Variants in AFG1L observed in about 807,000 individuals in gnomAD.
AFG1L encodes AFG1 like ATPase.
In AFG1L, 53 loss-of-function variants were observed where a neutral mutation model predicts 62.2. The ratio of observed to expected loss-of-function variants is 0.85; its 90% CI spans 0.68 to 1.07. AFG1L has a LOEUF of 1.07. Among genes scored for constraint, AFG1L ranks in the 50% least tolerant of loss-of-function variants. AFG1L has a pLI of 0.00. For synonymous variants in AFG1L, 228 were observed against 210.3 expected (o/e 1.08, Z -0.73); for missense variants, 555 against 590.5 (o/e 0.94, Z 0.62).
At chr6:108,373,874 G>A (rs1181984199) in intron 6 of AFG1L, among the ~76,000 whole-genome samples, 1 of 152,088 alleles carries the variant, frequency 6.6e-6, no homozygotes, top group African/African-American at 2.4e-5. Context: ...CACTGCGCCT[G>A]GCCGGTAGTT....
At chr6:108,508,756 A>G (rs1388157065) in intron 10 of AFG1L, among the ~76,000 whole-genome samples, 1 of 152,226 alleles carries the variant, frequency 6.6e-6, no homozygotes, top group Non-Finnish European at 1.5e-5. Context: ...GCTTAAGTGA[A>G]TGGACAAAGG....
At chr6:108,461,307 C>T (rs573709468) in intron 8 of AFG1L, among the ~76,000 whole-genome samples, 11 of 152,200 alleles carry the variant, frequency 7.2e-5, no homozygotes, top group Admixed American at 2.0e-4. Context: ...AGTAGATGCA[C>T]GGTAGTATCT....
rs115967865 is a variant in AFG1L at position 108,385,645 on chromosome 6, T to C, written c.749-16351T>C. On this transcript the variant is annotated intron_variant, in intron 6 of 12. Coordinates refer to ENST00000368977, the MANE Select transcript of AFG1L (RefSeq NM_145315.5). ...CACGCTATATTTCTGTACGTGTGTCTTTAATTTCTCTAGCGCCGCTGGGTT... is the reference window on the plus strand; with the variant it reads ...CACGCTATATTTCTGTACGTGTGTCCTTAATTTCTCTAGCGCCGCTGGGTT... Among the ~76,000 whole-genome samples the C allele has an allele frequency of 5.7e-3, 869 of 152,320 alleles. 4 individuals carry two copies. The highest frequency in any genetic ancestry group is 0.02 in the African/African-American group (837 of 41,578).
At chr6:108,499,492 C>CT (rs1774102287) in intron 10 of AFG1L, among the ~76,000 whole-genome samples, 1 of 146,728 alleles carries the variant, frequency 6.8e-6, no homozygotes, top group Non-Finnish European at 1.5e-5. Flanking sequence ...AATCCCAGTT[C>CT]TTTGGGAGGC....
At chr6:108,487,627 T>C (rs1191757880) in intron 10 of AFG1L, among the ~76,000 whole-genome samples, 1 of 152,224 alleles carries the variant, frequency 6.6e-6, no homozygotes, top group Non-Finnish European at 1.5e-5. Context: ...AATATGAGTG[T>C]ATCAGGAGTT....
At chr6:108,344,927 A>C in intron 2 of AFG1L, 1 of 391,736 alleles carries the variant, frequency 2.6e-6, no homozygotes, top group Non-Finnish European at 5.2e-6. Flanking sequence ...TCTGGACCTG[A>C]CTGCTTTCCT....
At chr6:108,408,017 G>A (rs1196663605) in intron 7 of AFG1L, among the ~76,000 whole-genome samples, 2 of 152,072 alleles carry the variant, frequency 1.3e-5, no homozygotes, top group African/African-American at 4.8e-5. Flanking sequence ...ATGATTGGAT[G>A]CTGCATTTAG....
intron 10 of AFG1L, among the ~76,000 whole-genome samples, chr6:108,505,841 A>T (rs1025546877): frequency 2.0e-5 from 3 of 152,248 alleles, no homozygotes; most frequent in African/African-American, 7.2e-5. Flanking sequence ...AAAGGAGAGT[A>T]TGACGTTTAA....
chr6:108,298,955 T>C (rs1468998010), intron 1 of AFG1L, among the ~76,000 whole-genome samples: 1 of 152,086 alleles, frequency 6.6e-6, no homozygotes, highest in Non-Finnish European at 1.5e-5. Flanking sequence ...TCAGAGACAC[T>C]TCTTTGATAG....
At chr6:108,521,349 A>C (rs1379223620) in intron 12 of AFG1L, 2 of 152,180 alleles carry the variant, frequency 1.3e-5, no homozygotes, top group African/African-American at 4.8e-5. Context: ...AATAAAAAAA[A>C]TTAGCTGGGT....
intron 11 of AFG1L, among the ~76,000 whole-genome samples, chr6:108,518,060 G>A (rs1344675586): frequency 6.6e-6 from 1 of 152,216 alleles, no homozygotes; most frequent in Non-Finnish European, 1.5e-5. Context: ...TGGTGGGACT[G>A]TAAACTAGTT....
At chr6:108,305,372 G>A (rs2114826318) in intron 1 of AFG1L, among the ~76,000 whole-genome samples, 1 of 152,124 alleles carries the variant, frequency 6.6e-6, no homozygotes, top group East Asian at 1.9e-4. Context: ...AACACCTAGA[G>A]GTTCTTAGAA....
chr6:108,418,783 A>G (rs1336718629), intron 7 of AFG1L, among the ~76,000 whole-genome samples: 1 of 152,218 alleles, frequency 6.6e-6, no homozygotes, highest in Non-Finnish European at 1.5e-5. Flanking sequence ...TCACTGAACA[A>G]TATTTATGGA....
At chr6:108,302,196 G>A (rs1777030447) in intron 1 of AFG1L, among the ~76,000 whole-genome samples, 1 of 152,110 alleles carries the variant, frequency 6.6e-6, no homozygotes, top group Admixed American at 6.6e-5. Context: ...GCCCGCCTTG[G>A]CCTCCCAAAG....
At chr6:108,400,847 GCAAATATATATAATATATA>G (rs1562135043) in intron 6 of AFG1L, among the ~76,000 whole-genome samples, 2 of 21,772 alleles carry the variant, frequency 9.2e-5, no homozygotes, top group South Asian at 4.5e-3. Flanking sequence ...TATATATAAT[GCAAATATATATAATATATA>G]AAATATATAT....
rs1221026867 is a variant in AFG1L, at chr6:108,525,053, A to G, written c.*2628A>G. The G allele has an allele frequency of 6.6e-6, 1 of 152,202 alleles. No individual in the cohort carries two copies. Among genetic ancestry groups the G allele is most frequent in the Non-Finnish European group, 1.5e-5 (1 of 68,044 alleles). 9.4% of individuals were successfully genotyped at this position (152,202 alleles called of 1,614,324 possible). A position where few individuals can be genotyped will look rare whatever the true frequency, so the allele number is the denominator to read the frequency against. On this transcript the variant is annotated 3_prime_UTR_variant, in exon 13 of 13. Transcript: ENST00000368977. ...TTTTTTTGAAATGCTTTAAATGTATACTTTGAGACGGAGGTTTGAGCTGAG... is the reference window on the plus strand; with the variant it reads ...TTTTTTTGAAATGCTTTAAATGTATGCTTTGAGACGGAGGTTTGAGCTGAG...
chr6:108,391,671 T>C (rs1424404820), intron 6 of AFG1L, among the ~76,000 whole-genome samples: 4 of 152,204 alleles, frequency 2.6e-5, no homozygotes, highest in Non-Finnish European at 5.9e-5. Flanking sequence ...TTATTGCATA[T>C]GCTTTTGGTT....
chr6:108,392,436 T>C (rs1781098996), intron 6 of AFG1L, among the ~76,000 whole-genome samples: 1 of 152,196 alleles, frequency 6.6e-6, no homozygotes, highest in Non-Finnish European at 1.5e-5. Context: ...ATGATTTGTG[T>C]ACAGTGCCTG....
At chr6:108,432,845 A>G (rs1036926608) in intron 7 of AFG1L, among the ~76,000 whole-genome samples, 3 of 152,176 alleles carry the variant, frequency 2.0e-5, no homozygotes, top group African/African-American at 7.2e-5. Flanking sequence ...CTTTCTAGAT[A>G]CTTCCCAGGT....
Sources: allele counts gnomAD v4.1 joint callset (sites outside exome capture counted in the v4.1 genomes callset), GRCh38; gene constraint gnomAD v4.1.1; transcripts MANE v1.5; gene names NCBI Gene and HGNC (gene_info 2026-07-23, HGNC 2026-07-21).